The following ABHD2 variants were observed in gnomAD, a reference collection of about 807,000 sequenced individuals.
ABHD2 encodes monoacylglycerol lipase ABHD2.
In ABHD2, 20 loss-of-function variants were observed where a neutral mutation model predicts 48.1. The observed-to-expected ratio is 0.42, with a 90% confidence interval of 0.29 to 0.60. The LOEUF (loss-of-function observed/expected upper bound fraction) is 0.60, where lower values mean the gene tolerates loss of function less well. Among genes scored for constraint, ABHD2 ranks in the 20% least tolerant of loss-of-function variants. The pLI, the probability that ABHD2 is intolerant of heterozygous loss-of-function variation, is 0.24. For missense variants in ABHD2, 405 were observed against 550.9 expected (o/e 0.74, Z 2.65); for synonymous variants, 209 against 214.2 (o/e 0.98, Z 0.21).
rs1004282594 is a variant in ABHD2 at position 89,169,575 on chromosome 15, GC to G, written c.539-6236del. Among the ~76,000 whole-genome samples, 211 of 152,242 alleles carry G rather than the reference GC, an allele frequency of 1.4e-3. 2 individuals carry two copies. Among genetic ancestry groups the G allele is most frequent in the African/African-American group, 4.6e-3 (191 of 41,532 alleles). On this transcript the variant is annotated intron_variant, in intron 5 of 10. Coordinates refer to ENST00000352732, the MANE Select transcript of ABHD2 (RefSeq NM_152924.5). ...GTTAGCTAAGAGATGACAAAATTAGGCAGAAACCTTAGGAAGCGGTGGAGAA... is the reference window on the plus strand; with the variant it reads ...GTTAGCTAAGAGATGACAAAATTAGGAGAAACCTTAGGAAGCGGTGGAGAA...
chr15:89,190,260 T>C (rs2051281629), intron 8 of ABHD2, among the ~76,000 whole-genome samples: 1 of 152,216 alleles, frequency 6.6e-6, no homozygotes, highest in Admixed American at 6.5e-5. Flanking sequence ...CCTCCTGGTG[T>C]CGGAGCTCCA....
intron 1 of ABHD2, among the ~76,000 whole-genome samples, chr15:89,096,692 A>G (rs2049618929): frequency 6.6e-6 from 1 of 152,238 alleles, no homozygotes; most frequent in African/African-American, 2.4e-5. Flanking sequence ...TGAAAGTGAT[A>G]AAGTTATTTG....
intron 3 of ABHD2, among the ~76,000 whole-genome samples, chr15:89,133,255 CTTCGTA>C (rs1440792694): frequency 2.1e-5 from 3 of 141,744 alleles, no homozygotes; most frequent in Non-Finnish European, 4.9e-5. Context: ...GTCTTGACTG[CTTCGTA>C]TTCCATAAAA....
At chr15:89,103,091 A>C (rs955986232) in intron 1 of ABHD2, among the ~76,000 whole-genome samples, 3 of 152,258 alleles carry the variant, frequency 2.0e-5, no homozygotes, top group African/African-American at 7.2e-5. Flanking sequence ...ACATCAACCC[A>C]GAGGGCTTCC....
intron 3 of ABHD2, among the ~76,000 whole-genome samples, chr15:89,130,417 G>C (rs766757659): frequency 6.6e-6 from 1 of 152,184 alleles, no homozygotes; most frequent in South Asian, 2.1e-4. Context: ...ACCGGAAATG[G>C]CACTTGGTCA....
At chr15:89,187,875 C>G (rs1399688542) in intron 7 of ABHD2, among the ~76,000 whole-genome samples, 1 of 152,212 alleles carries the variant, frequency 6.6e-6, no homozygotes, top group African/African-American at 2.4e-5. Flanking sequence ...AAGGACGACG[C>G]CCCTACGGCT....
the ABHD2 span, among the ~76,000 whole-genome samples, chr15:89,045,276 G>C: frequency 6.6e-6 from 1 of 151,828 alleles, no homozygotes; most frequent in East Asian, 1.9e-4. Flanking sequence ...CTCTGTTTTG[G>C]TACCAGTACC....
rs556428426 is a variant in ABHD2, at chr15:89,200,847, C to T, written c.*5424C>T. On this transcript the variant is annotated 3_prime_UTR_variant, in exon 11 of 11. Coordinates refer to ENST00000352732, the MANE Select transcript of ABHD2 (RefSeq NM_152924.5). Reference sequence around the variant, plus strand: ...CCTGTAATCCCAGCACTTTGGAGGCCGAGGCGGGTAGATCACCTGAGGTTA... The same window carrying T: ...CCTGTAATCCCAGCACTTTGGAGGCTGAGGCGGGTAGATCACCTGAGGTTA... 1.9e-5 allele frequency: 6 copies of T among 313,786 alleles called. No individual in the cohort carries two copies. Among genetic ancestry groups the T allele is most frequent in the African/African-American group, 4.4e-5 (2 of 45,542 alleles). The allele number at this position is 313,786 out of a possible 1,614,324, so 19.4% of individuals were successfully genotyped here. A position where few individuals can be genotyped will look rare whatever the true frequency, so the allele number is the denominator to read the frequency against.
At chr15:89,095,758 G>A (rs1335452409) in intron 1 of ABHD2, among the ~76,000 whole-genome samples, 2 of 152,124 alleles carry the variant, frequency 1.3e-5, no homozygotes, top group Non-Finnish European at 2.9e-5. Context: ...CCAATCCAGG[G>A]CTGAGGATGT....
chr15:89,133,606 A>ACTGT, intron 3 of ABHD2, among the ~76,000 whole-genome samples: 1 of 152,212 alleles, frequency 6.6e-6, no homozygotes, highest in East Asian at 1.9e-4. Context: ...GATTAAAGAG[A>ACTGT]CTGTGTATCT....
At chr15:89,059,553 GA>G in the ABHD2 span, among the ~76,000 whole-genome samples, 1 of 152,006 alleles carries the variant, frequency 6.6e-6, no homozygotes, top group Non-Finnish European at 1.5e-5. Context: ...AATGAAAGGG[GA>G]AAAAAACCTC....
intron 3 of ABHD2, among the ~76,000 whole-genome samples, chr15:89,149,335 G>C (rs959020433): frequency 1.3e-5 from 2 of 151,922 alleles, no homozygotes; most frequent in Non-Finnish European, 2.9e-5. Context: ...TGTAATAGCT[G>C]AATTCACATT....
rs796603976 is a variant in ABHD2 at position 89,164,413 on chromosome 15, G to A, written c.538+8879G>A. Among the ~76,000 whole-genome samples the A allele has an allele frequency of 2.6e-5, 4 of 152,270 alleles. No homozygotes were observed. Among genetic ancestry groups the A allele is most frequent in the Admixed American group, 6.5e-5 (1 of 15,300 alleles). Reference sequence around the variant, plus strand: ...GAGATGGTCAGGAAAGGCCTGCAGCGGGAGAGAACCTGTGCTTTATAGTCC... The same window carrying A: ...GAGATGGTCAGGAAAGGCCTGCAGCAGGAGAGAACCTGTGCTTTATAGTCC... On this transcript the variant is annotated intron_variant, in intron 5 of 10. Coordinates refer to ENST00000352732, the MANE Select transcript of ABHD2 (RefSeq NM_152924.5). This position sits in a 1 kb window ranked among gnomAD's most constrained non-coding sequence, Gnocchi z 5.0.
At chr15:89,163,190 C>G (rs910170767) in intron 5 of ABHD2, among the ~76,000 whole-genome samples, 1 of 152,226 alleles carries the variant, frequency 6.6e-6, no homozygotes, top group Non-Finnish European at 1.5e-5. Flanking sequence ...GCACCTGCCT[C>G]AGATTTCTCT....
the ABHD2 span, among the ~76,000 whole-genome samples, chr15:89,042,622 AT>A: frequency 1.2e-5 from 1 of 85,116 alleles, no homozygotes; most frequent in Non-Finnish European, 2.5e-5. Context: ...TTATTTATTT[AT>A]TTATTTATTT....
At position 89,196,237 on chromosome 15, in the gene ABHD2, G is replaced by T. The variant is rs750066416; in HGVS notation, c.*814G>T. 1 of 152,130 alleles carries T rather than the reference G, an allele frequency of 6.6e-6. No homozygotes were observed. The highest frequency in any genetic ancestry group is 2.1e-4 in the South Asian group (1 of 4,814). The allele number at this position is 152,130 out of a possible 1,614,324, so 9.4% of individuals were successfully genotyped here. Reference sequence around the variant, plus strand: ...GTTTTATTGAAATTCATAATCAGGGGTGTCCTCTAGCTCCCACGGTCTCCA... The same window carrying T: ...GTTTTATTGAAATTCATAATCAGGGTTGTCCTCTAGCTCCCACGGTCTCCA... On this transcript the variant is annotated 3_prime_UTR_variant, in exon 11 of 11. Transcript: ENST00000352732.
chr15:89,154,415 T>C (rs563207483), intron 4 of ABHD2, among the ~76,000 whole-genome samples: 6 of 152,212 alleles, frequency 3.9e-5, no homozygotes, highest in Non-Finnish European at 8.8e-5. Flanking sequence ...AAGAAAAGTA[T>C]GTATTCATAT....
At position 89,177,234 on chromosome 15, in the gene ABHD2, A is replaced by G. The variant is rs116776101; in HGVS notation, c.722+1239A>G. 2.5e-3 allele frequency among the ~76,000 whole-genome samples: 377 copies of G among 152,322 alleles called. 1 individual carries two copies. Among genetic ancestry groups the G allele is most frequent in the African/African-American group, 8.6e-3 (359 of 41,564 alleles). The stretch of plus-strand genomic sequence containing the variant: ...ACCTCATAGCACCGCTGAGAGTCAA[A>G]TGAGTTGATGCGTGTGAAGTGCTTA... On this transcript the variant is annotated intron_variant, in intron 6 of 10. Transcript: ENST00000352732. This position sits in a 1 kb window ranked among gnomAD's most constrained non-coding sequence, Gnocchi z 5.6.
At chr15:89,084,878 G>A (rs1416827692), upstream of ABHD2, among the ~76,000 whole-genome samples, 1 of 152,116 alleles carries the variant, frequency 6.6e-6, no homozygotes, top group Admixed American at 6.5e-5. The surrounding 1 kb of genome is among the most constrained non-coding windows in gnomAD (Gnocchi z 4.4). Context: ...GAAGAAAGTA[G>A]GGCACAGAGA....
Sources: gnomAD v4.1 joint callset for allele counts (sites outside exome capture counted in the v4.1 genomes callset) on GRCh38, gnomAD v4.1.1 for gene constraint, Gnocchi (gnomAD v3.1) non-coding constraint, MANE v1.5 for transcripts, NCBI Gene and HGNC (gene_info 2026-07-23, HGNC 2026-07-21) for gene names.